The following ARID4B variants were observed in gnomAD, a reference collection of about 807,000 sequenced individuals.
The protein encoded by ARID4B is AT-rich interactive domain-containing protein 4B.
ARID4B carries 26 observed loss-of-function variants against 147.5 expected under a neutral mutation model. The observed-to-expected ratio is 0.18, with a 90% confidence interval of 0.13 to 0.24. The LOEUF is 0.24. ARID4B is among the 10% of genes least tolerant of loss of function. The pLI is 1.00. For synonymous variants in ARID4B, 512 were observed against 507.9 expected (o/e 1.01, Z -0.11); for missense variants, 1,179 against 1,511.5 (o/e 0.78, Z 3.65).
Position 235,182,615 on chromosome 1 carries a change from A to G in ARID4B, c.2304T>C (p.Asp768=). 1 of 1,613,628 alleles carries G rather than the reference A, an allele frequency of 6.2e-7. No individual in the cohort carries two copies. Among genetic ancestry groups the G allele is most frequent in the Non-Finnish European group, 8.5e-7 (1 of 1,179,952 alleles). Residue 768 remains aspartate, a synonymous_variant, in exon 20 of 24, where the codon GAT becomes GAC. Transcript: ENST00000264183. The part of the protein sequence containing the change: ...SLLEENKVHA[D]LVISKPVSKS... The stretch of plus-strand genomic sequence containing the variant: ...TTGACACTGGTTTGGATATTACCAA[A>G]TCTGCATGAACTTTGTTTTCTTCTA...
intron 2 of ARID4B, among the ~76,000 whole-genome samples, chr1:235,299,899 T>A (rs1046996861): frequency 2.6e-5 from 4 of 152,016 alleles, no homozygotes; most frequent in Admixed American, 2.6e-4. Flanking sequence ...TAAAAAAGAG[T>A]GTAGCTTCCT....
At position 235,194,122 on chromosome 1, in the gene ARID4B, T is replaced by C; in HGVS notation, c.2016A>G (p.Thr672=). The C allele has an allele frequency of 1.9e-6, 3 of 1,612,902 alleles. No homozygotes were observed. Among genetic ancestry groups the C allele is most frequent in the South Asian group, 2.2e-5 (2 of 91,058 alleles). ...TGGATACCATTTCAGGAGATGGATT[T>C]GTCTGAAATGGTGGTTTGGACAAGC... is the stretch of plus-strand genomic sequence containing the variant. ...LRRLSKPPFQ[T]NPSPEMVSKL... The change falls in exon 19 of 24, where the codon ACA becomes ACG. Residue 672 remains threonine (T), a synonymous_variant. Transcript: ENST00000264183.
At chr1:235,287,842 T>A (rs1025808569) in intron 2 of ARID4B, among the ~76,000 whole-genome samples, 1 of 152,258 alleles carries the variant, frequency 6.6e-6, no homozygotes, top group Non-Finnish European at 1.5e-5. Flanking sequence ...ATCTTCTCTG[T>A]TCCCACATCC....
At position 235,281,474 on chromosome 1, in the gene ARID4B, CCA is replaced by C. The variant is rs1671669420; in HGVS notation, c.7-20724_7-20723del. 3.7e-5 allele frequency among the ~76,000 whole-genome samples: 5 copies of C among 135,278 alleles called. No individual in the cohort carries two copies. In the Admixed American group the frequency reaches 4.0e-4, roughly 11 times the overall value. The allele number at this position is 135,278 out of a possible 152,430, so 88.7% of individuals were successfully genotyped here. ...GCTGAGGCACAAGAATCGATTGAAC[CCA>C]AGAGGCAGAGGTTGCAGTGAGCCAA... On this transcript the variant is annotated intron_variant, in intron 2 of 23. Coordinates refer to ENST00000264183, the MANE Select transcript of ARID4B (RefSeq NM_016374.6).
intron 2 of ARID4B, among the ~76,000 whole-genome samples, chr1:235,276,475 AC>A (rs1405812665): frequency 6.6e-6 from 1 of 152,106 alleles, no homozygotes; most frequent in Non-Finnish European, 1.5e-5. Flanking sequence ...AAAGTTATAA[AC>A]TTCTTATCAA....
intron 6 of ARID4B, among the ~76,000 whole-genome samples, chr1:235,247,284 A>T (rs1669356585): frequency 6.6e-6 from 1 of 152,190 alleles, no homozygotes; most frequent in Non-Finnish European, 1.5e-5. Flanking sequence ...GATACAAACC[A>T]GGGTGGTATA....
intron 2 of ARID4B, among the ~76,000 whole-genome samples, chr1:235,283,498 T>C (rs4316357): frequency 0.01 from 1,570 of 152,328 alleles, 25 homozygotes; most frequent in African/African-American, 0.033. Context: ...TTACGAGTGA[T>C]CTTTTTCCTA....
At chr1:235,218,593 T>C (rs957629887) in intron 16 of ARID4B, among the ~76,000 whole-genome samples, 3 of 152,164 alleles carry the variant, frequency 2.0e-5, no homozygotes, top group African/African-American at 7.2e-5. Flanking sequence ...AAACCCAGGA[T>C]GTTTTTCTTC....
chr1:235,255,277 C>A lies in ARID4B; in HGVS notation c.274+383G>T, dbSNP rs371335777. Among the ~76,000 whole-genome samples, 182 of 130,468 alleles carry A rather than the reference C, an allele frequency of 1.4e-3. 1 individual carries two copies. The highest frequency in any genetic ancestry group is 4.3e-3 in the South Asian group (16 of 3,680). 85.6% of individuals were successfully genotyped at this position (130,468 alleles called of 152,430 possible). On this transcript the variant is annotated intron_variant, in intron 5 of 23. Transcript: ENST00000264183. Reference sequence around the variant, plus strand: ...TAGATAGATAGATATATATCTCTCTCTCTCTCTCTCTATATATATATATAC... The same window carrying A: ...TAGATAGATAGATATATATCTCTCTATCTCTCTCTCTATATATATATATAC...
intron 6 of ARID4B, among the ~76,000 whole-genome samples, chr1:235,249,596 C>G (rs563325299): frequency 6.6e-6 from 1 of 151,160 alleles, no homozygotes; most frequent in South Asian, 2.1e-4. Flanking sequence ...GAGATCGAGA[C>G]CACCCTGGCT....
chr1:235,222,143 C>T (rs1487554785), intron 13 of ARID4B, among the ~76,000 whole-genome samples: 1 of 151,912 alleles, frequency 6.6e-6, no homozygotes, highest in East Asian at 1.9e-4. Context: ...AAGTCCTGGG[C>T]TCCAGCAATC....
At chr1:235,303,522 G>A (rs1572197899) in intron 2 of ARID4B, among the ~76,000 whole-genome samples, 2 of 152,198 alleles carry the variant, frequency 1.3e-5, no homozygotes, top group South Asian at 2.1e-4. Flanking sequence ...CCAGAAGTTC[G>A]AGACCAGCCT....
intron 11 of ARID4B, among the ~76,000 whole-genome samples, chr1:235,227,267 A>G (rs1667891256): frequency 6.6e-6 from 1 of 152,228 alleles, no homozygotes; most frequent in Non-Finnish European, 1.5e-5. Context: ...GAATTGGACT[A>G]TAAAGGAGAT....
chr1:235,208,676 G>T (rs867784481), intron 17 of ARID4B, among the ~76,000 whole-genome samples: 3 of 149,700 alleles, frequency 2.0e-5, no homozygotes, highest in Admixed American at 6.7e-5. Context: ...CTAATTTTGT[G>T]TTTTTTTTTA....
chr1:235,325,634 A>T, intron 2 of ARID4B, among the ~76,000 whole-genome samples: 1 of 152,212 alleles, frequency 6.6e-6, no homozygotes. Context: ...TAATAAATGC[A>T]CTTTCACCAC....
intron 17 of ARID4B, among the ~76,000 whole-genome samples, chr1:235,211,507 A>G (rs962420767): frequency 6.6e-6 from 1 of 152,208 alleles, no homozygotes; most frequent in Non-Finnish European, 1.5e-5. Flanking sequence ...AGAAAAACTA[A>G]AAAGAGAGGC....
At chr1:235,257,362 T>C in intron 3 of ARID4B, 137 bp from the exon 4 acceptor site, 1 of 568,880 alleles carries the variant, frequency 1.8e-6, no homozygotes, top group Non-Finnish European at 3.1e-6. Flanking sequence ...AATCCCTAAG[T>C]AGATTAACTA....
intron 21 of ARID4B, chr1:235,176,958 G>A: frequency 2.1e-6 from 1 of 471,092 alleles, no homozygotes. Flanking sequence ...ACAAAAGAGA[G>A]ATAAAATGTG....
At chr1:235,313,680 A>G (rs1674238094) in intron 2 of ARID4B, among the ~76,000 whole-genome samples, 1 of 152,216 alleles carries the variant, frequency 6.6e-6, no homozygotes, top group South Asian at 2.1e-4. Context: ...CTAGGCTTGG[A>G]AGTAAAATTT....
Sources: allele counts gnomAD v4.1 joint callset (sites outside exome capture counted in the v4.1 genomes callset), GRCh38; gene constraint gnomAD v4.1.1; transcripts MANE v1.5; gene names NCBI Gene and HGNC (gene_info 2026-07-23, HGNC 2026-07-21).